The following ENAM variants were observed in gnomAD, a reference collection of about 807,000 sequenced individuals.
ENAM encodes enamelin, also known as amelogenesis imperfecta 2, hypocalcification (autosomal dominant).
In ENAM, 21 loss-of-function variants were observed where a neutral mutation model predicts 33.6. The ratio of observed to expected loss-of-function variants is 0.63; its 90% CI spans 0.44 to 0.90. ENAM has a LOEUF of 0.90. Among genes scored for constraint, ENAM ranks in the 40% least tolerant of loss-of-function variants. ENAM has a pLI of 0.00. For missense variants in ENAM, 1,388 were observed against 1,366.9 expected (o/e 1.02, Z -0.24); for synonymous variants, 473 against 468.4 (o/e 1.01, Z -0.13).
Position 70,643,618 on chromosome 4 carries a change from A to G in ENAM, c.2192A>G (p.Tyr731Cys), listed in dbSNP as rs181187768. The G allele has an allele frequency of 5.6e-6, 9 of 1,614,134 alleles. No homozygotes were observed. In the African/African-American group the frequency reaches 1.2e-4, roughly 22 times the overall value. ...PWSPDENFPS[Y>C]NTASTMPPPI... Reference sequence around the variant, plus strand: ...AGCCCGGATGAGAATTTTCCATCATATAATACAGCTTCTACTATGCCACCA... The same window carrying G: ...AGCCCGGATGAGAATTTTCCATCATGTAATACAGCTTCTACTATGCCACCA... The change falls in exon 9 of 9, where the codon TAT becomes TGT. Residue 731 changes from tyrosine (Y) to cysteine (C), a missense_variant. Tyr to Cys is a radical substitution (Grantham distance 194). Transcript: ENST00000396073.
rs747402845 is a variant in ENAM at position 70,635,862 on chromosome 4, C to G, written c.502C>G (p.Pro168Ala). 1.2e-6 allele frequency: 2 copies of G among 1,609,072 alleles called. No homozygotes were observed. Among genetic ancestry groups the G allele is most frequent in the East Asian group, 2.2e-5 (1 of 44,768 alleles). Residue 168 changes from proline to alanine, a missense_variant, in exon 7 of 9, where the codon CCC (proline) becomes GCC (alanine). Transcript: ENST00000396073. ...AFPPFGNGLF[P>A]YQQPPWQIPQ... ...CCCACCATTTGGAAATGGGCTATTC[C>G]CCTATCAACAACCACCATGGCAAAT...
intron 6 of ENAM, 58 bp from the exon 7 acceptor site, chr4:70,635,774 C>A (rs1738436185): frequency 9.0e-7 from 1 of 1,114,148 alleles, no homozygotes; most frequent in Middle Eastern, 2.0e-4. Context: ...TAGTTTCCTT[C>A]ATTTTTTTAT....
At position 70,646,064 on chromosome 4, in the gene ENAM, T is replaced by G. The variant is rs1027983653; in HGVS notation, c.*1209T>G. On this transcript the variant is annotated 3_prime_UTR_variant, in exon 9 of 9. Coordinates refer to ENST00000396073, the MANE Select transcript of ENAM (RefSeq NM_031889.3). ...TAAAAACTCAATGTTTAGTTGTTTT[T>G]TTTTTTTTTTACTAGTTCAGCATAA... The G allele has an allele frequency of 2.0e-5, 3 of 152,022 alleles. No homozygotes were observed. Among genetic ancestry groups the G allele is most frequent in the Admixed American group, 6.6e-5 (1 of 15,262 alleles). The allele number at this position is 152,022 out of a possible 1,614,324, so 9.4% of individuals were successfully genotyped here.
At chr4:70,633,635 A>G (rs776491146) in intron 5 of ENAM, among the ~76,000 whole-genome samples, 3 of 152,198 alleles carry the variant, frequency 2.0e-5, no homozygotes, top group Non-Finnish European at 4.4e-5. Context: ...ATGTTGCAAG[A>G]CTGATCATTC....
intron 6 of ENAM, 60 bp from the exon 7 acceptor site, chr4:70,635,772 T>C: frequency 9.1e-7 from 1 of 1,096,300 alleles, no homozygotes; most frequent in Admixed American, 1.8e-5. Context: ...GTTAGTTTCC[T>C]TCATTTTTTT....
chr4:70,644,557 G>A lies in ENAM; in HGVS notation c.3131G>A (p.Arg1044Lys). Residue 1044 changes from arginine to lysine, a missense_variant, in exon 9 of 9, where the codon AGG (arginine) becomes AAG (lysine). Transcript: ENST00000396073. Reference sequence around the variant, plus strand: ...CAAGTCCAAGAAAATGAGAGTGAGAGGCAACAGCAAAGACCATCTAACATT... The same window carrying A: ...CAAGTCCAAGAAAATGAGAGTGAGAAGCAACAGCAAAGACCATCTAACATT... ...QSQVQENESE[R>K]QQQRPSNILH... 6.2e-7 allele frequency: 1 copy of A among 1,613,548 alleles called. No individual in the cohort carries two copies. Among genetic ancestry groups the A allele is most frequent in the Non-Finnish European group, 8.5e-7 (1 of 1,179,640 alleles).
chr4:70,643,273 G>C lies in ENAM; in HGVS notation c.1847G>C (p.Arg616Thr). 3 of 1,614,038 alleles carry C rather than the reference G, an allele frequency of 1.9e-6. No homozygotes were observed. The highest frequency in any genetic ancestry group is 3.3e-4 in the Middle Eastern group (2 of 6,060). ...YDPRENSPYL[R>T]GNTWDERDDS... is the part of the protein sequence containing the mutation. ...CCCAGGGAAAACTCACCATACCTTAGAGGCAATACATGGGATGAGAGAGAT... is the reference window on the plus strand; with the variant it reads ...CCCAGGGAAAACTCACCATACCTTACAGGCAATACATGGGATGAGAGAGAT... The change falls in exon 9 of 9, where the codon AGA (arginine) becomes ACA (threonine). Residue 616 changes from arginine (R) to threonine (T), a missense_variant. Coordinates refer to ENST00000396073, the MANE Select transcript of ENAM (RefSeq NM_031889.3).
rs141034810 is a variant in ENAM at position 70,631,691 on chromosome 4, A to T, written c.76A>T (p.Ile26Phe). The T allele has an allele frequency of 4.0e-4, 639 of 1,613,588 alleles. 9 individuals carry two copies. The East Asian group carries it at 0.014, about 35-fold the overall frequency. ...DNLVPKGKMKILLVFLGLLGN... is the reference protein window; with the variant it reads ...DNLVPKGKMKFLLVFLGLLGN... ...CTAGGTACCAAAAGGCAAAATGAAGATTCTCCTGGTCTTTCTAGGGCTTCT... is the reference window on the plus strand; with the variant it reads ...CTAGGTACCAAAAGGCAAAATGAAGTTTCTCCTGGTCTTTCTAGGGCTTCT... Residue 26 changes from isoleucine (I) to phenylalanine (F), a missense_variant, in exon 3 of 9, where the codon ATT becomes TTT. By Grantham distance (21) the Ile-to-Phe change is conservative (BLOSUM62 0). Transcript: ENST00000396073.
chr4:70,639,696 A>T (rs1738551813), intron 8 of ENAM, among the ~76,000 whole-genome samples: 1 of 152,216 alleles, frequency 6.6e-6, no homozygotes, highest in Non-Finnish European at 1.5e-5. Context: ...TAAGCCCAGG[A>T]TTTCAAGACC....
rs1479220784 is a variant in ENAM, at chr4:70,642,864, A to G, written c.1438A>G (p.Met480Val). The change falls in exon 9 of 9, where the codon ATG (methionine) becomes GTG (valine). Residue 480 changes from methionine (M) to valine (V), a missense_variant. Coordinates refer to ENST00000396073, the MANE Select transcript of ENAM (RefSeq NM_031889.3). ...TAAACTGCCTCACTCTGAGGGTTAT[A>G]TGCCAGTCCCAAATTTTAATTCTGT... Reference protein sequence around the residue: ...NYKLPHSEGYMPVPNFNSVDQ... With the variant: ...NYKLPHSEGYVPVPNFNSVDQ... The G allele has an allele frequency of 3.1e-6, 5 of 1,614,124 alleles. No individual in the cohort carries two copies. The highest frequency in any genetic ancestry group is 4.2e-6 in the Non-Finnish European group (5 of 1,179,998).
chr4:70,630,782 C>T (rs1391920545), intron 2 of ENAM, among the ~76,000 whole-genome samples: 1 of 151,608 alleles, frequency 6.6e-6, no homozygotes, highest in South Asian at 2.1e-4. Context: ...CACTCTGTCG[C>T]CCAGGCTGGA....
chr4:70,631,761 C>A, intron 3 of ENAM, 23 bp downstream of exon 3: 1 of 1,609,168 alleles, frequency 6.2e-7, no homozygotes, highest in Non-Finnish European at 8.5e-7. Flanking sequence ...TAAATGTTAG[C>A]TCTTCTCTTT....
intron 2 of ENAM, among the ~76,000 whole-genome samples, 183 bp downstream of exon 2, chr4:70,629,737 G>A (rs1189268819): frequency 1.3e-5 from 2 of 152,078 alleles, no homozygotes; most frequent in Non-Finnish European, 2.9e-5. Flanking sequence ...ATCATTATGA[G>A]TGTTACTTTC....
chr4:70,632,206 GT>G (rs1360671162), intron 4 of ENAM, among the ~76,000 whole-genome samples: 1 of 152,016 alleles, frequency 6.6e-6, no homozygotes, highest in African/African-American at 2.4e-5. Flanking sequence ...TTATTAGAAG[GT>G]AGATGCTTAA....
chr4:70,631,845 C>A lies in ENAM; in HGVS notation c.124-4C>A, dbSNP rs1173861366. 1 of 1,613,902 alleles carries A rather than the reference C, an allele frequency of 6.2e-7. No homozygotes were observed. Among genetic ancestry groups the A allele is most frequent in the Non-Finnish European group, 8.5e-7 (1 of 1,179,796 alleles). On this transcript the variant is annotated splice_region_variant and splice_polypyrimidine_tract_variant and intron_variant, in intron 3 of 8. Coordinates refer to ENST00000396073, the MANE Select transcript of ENAM (RefSeq NM_031889.3). Reference sequence around the variant, plus strand: ...ATTTGTCACTGACATTCTCTTACTTCCAGATGCACATGCCCCGAATGCCTG... The same window carrying A: ...ATTTGTCACTGACATTCTCTTACTTACAGATGCACATGCCCCGAATGCCTG...
At chr4:70,633,775 A>G (rs1328099267) in intron 5 of ENAM, among the ~76,000 whole-genome samples, 1 of 152,180 alleles carries the variant, frequency 6.6e-6, no homozygotes, top group African/African-American at 2.4e-5. Flanking sequence ...TGATAAAAAA[A>G]TGGATTTAAT....
intron 8 of ENAM, among the ~76,000 whole-genome samples, chr4:70,640,605 G>A (rs1198710628): frequency 6.6e-6 from 1 of 151,894 alleles, no homozygotes; most frequent in African/African-American, 2.4e-5. Flanking sequence ...CACTTATTAG[G>A]CACTTACTAA....
At position 70,634,392 on chromosome 4, in the gene ENAM, C is replaced by G. The variant is rs992240660; in HGVS notation, c.295C>G (p.Pro99Ala). 17 of 1,614,124 alleles carry G rather than the reference C, an allele frequency of 1.1e-5. No homozygotes were observed. Among genetic ancestry groups the G allele is most frequent in the Non-Finnish European group, 1.4e-5 (16 of 1,179,994 alleles). Residue 99 changes from proline (P) to alanine (A), a missense_variant, in exon 6 of 9, where the codon CCC becomes GCC. Physicochemically the swap from Pro to Ala is conservative, Grantham distance 27 (BLOSUM62 -1). Coordinates refer to ENST00000396073, the MANE Select transcript of ENAM (RefSeq NM_031889.3). ...GATGCCCATGTGGCCTCAGCCACCA[C>G]CCAACACATGGCATCCACGGAAATC... is the stretch of plus-strand genomic sequence containing the variant. ...YQMPMWPQPP[P>A]NTWHPRKSSA...
chr4:70,628,762 T>C lies in ENAM; in HGVS notation c.-263T>C, dbSNP rs1738237784. 6.6e-6 allele frequency: 1 copy of C among 152,172 alleles called. No individual in the cohort carries two copies. The highest frequency in any genetic ancestry group is 6.6e-5 in the Admixed American group (1 of 15,266). The allele number at this position is 152,172 out of a possible 1,614,324, so 9.4% of individuals were successfully genotyped here. On this transcript the variant is annotated 5_prime_UTR_variant, in exon 1 of 9. Coordinates refer to ENST00000396073, the MANE Select transcript of ENAM (RefSeq NM_031889.3). ...GAGGAATCTTTTTATTTTGAGCCTT[T>C]TTGATACTGAACATGATATCTGAGT...
Sources: gnomAD v4.1 joint callset for allele counts (sites outside exome capture counted in the v4.1 genomes callset) on GRCh38, gnomAD v4.1.1 for gene constraint, MANE v1.5 for transcripts, NCBI Gene and HGNC (gene_info 2026-07-23, HGNC 2026-07-21) for gene names.